C1S: variants seen among roughly 807,000 people sequenced by gnomAD.
The protein encoded by C1S is complement C1s subcomponent.
In C1S, 31 loss-of-function variants were observed where a neutral mutation model predicts 54.0. That is an observed-to-expected ratio of 0.57 (90% confidence interval 0.43 to 0.78). The LOEUF (loss-of-function observed/expected upper bound fraction) is 0.78. Among genes scored for constraint, C1S ranks in the 30% least tolerant of loss-of-function variants. The pLI is 0.00. For synonymous variants in C1S, 292 were observed against 303.6 expected (o/e 0.96, Z 0.40); for missense variants, 727 against 851.8 (o/e 0.85, Z 1.82).
intron 6 of C1S, 80 bp downstream of exon 6, chr12:7,065,379 A>C: frequency 9.9e-7 from 1 of 1,011,848 alleles, no homozygotes. Flanking sequence ...TTTTTCATAC[A>C]GCATCTTTCT....
chr12:7,067,372 T>TG, intron 9 of C1S: 1 of 627,180 alleles, frequency 1.6e-6, no homozygotes, highest in African/African-American at 1.8e-5. Context: ...TGGGTGCATT[T>TG]GTGGCTTCCA....
At chr12:7,064,509 C>CT in intron 5 of C1S, 117 bp downstream of exon 5, 2 of 911,252 alleles carry the variant, frequency 2.2e-6, no homozygotes, top group Non-Finnish European at 3.3e-6. Context: ...TTTGGCACTT[C>CT]TTTTTTATTT....
intron 9 of C1S, 57 bp downstream of exon 9, chr12:7,067,174 T>C: frequency 8.4e-7 from 1 of 1,193,388 alleles, no homozygotes; most frequent in South Asian, 1.2e-5. Flanking sequence ...AATGGAAAGA[T>C]CAGCACATCA....
chr12:7,061,799 T>A, intron 1 of C1S, 40 bp from the exon 2 acceptor site: 2 of 1,168,882 alleles, frequency 1.7e-6, no homozygotes, highest in Non-Finnish European at 2.6e-6. Context: ...AAGGTGCTTG[T>A]GTTTGTCAGA....
intron 11 of C1S, among the ~76,000 whole-genome samples, chr12:7,069,356 T>C (rs782594394): frequency 1.3e-5 from 2 of 152,114 alleles, no homozygotes. Flanking sequence ...GGCTGACCTG[T>C]GGTTTACTAG....
rs112558253 is a variant in C1S at position 7,062,683 on chromosome 12, G to A, written c.213+1G>A. The A allele has an allele frequency of 2.9e-5, 46 of 1,612,446 alleles. No homozygotes were observed. Among genetic ancestry groups the A allele is most frequent in the Non-Finnish European group, 3.8e-5 (45 of 1,179,000 alleles). The stretch of plus-strand genomic sequence containing the variant: ...GAACTGTGCGTATGACTCAGTGCAG[G>A]TATGTTATAAGCACAAAAAGAATAG... On this transcript the variant is annotated splice_donor_variant, in intron 3 of 11. Transcript: ENST00000360817. LOFTEE classifies it high-confidence loss of function.
In C1S at chr12:7,062,373, G is replaced by A. The variant is rs184027524; in HGVS notation, c.6-102G>A. The stretch of plus-strand genomic sequence containing the variant: ...GATTCTCCCCCATGGCCGATTGACT[G>A]CCTCTCTTCTTCCCCCTTTCTTCTG... On this transcript the variant is annotated intron_variant, in intron 2 of 11. Coordinates refer to ENST00000360817, the MANE Select transcript of C1S (RefSeq NM_001734.5). The A allele has an allele frequency of 2.9e-3, 2,500 of 849,302 alleles. 27 individuals carry two copies. The highest frequency in any genetic ancestry group is 0.029 in the Middle Eastern group (86 of 2,998). 52.6% of individuals were successfully genotyped at this position (849,302 alleles called of 1,614,324 possible). A position where few individuals can be genotyped will look rare whatever the true frequency, so the allele number is the denominator to read the frequency against.
At position 7,067,033 on chromosome 12, in the gene C1S, C is replaced by T; in HGVS notation, c.988-6C>T. 1 of 1,603,814 alleles carries T rather than the reference C, an allele frequency of 6.2e-7. No individual in the cohort carries two copies. On this transcript the variant is annotated splice_polypyrimidine_tract_variant and splice_region_variant and intron_variant, in intron 8 of 11. Coordinates refer to ENST00000360817, the MANE Select transcript of C1S (RefSeq NM_001734.5). The stretch of plus-strand genomic sequence containing the variant: ...GAAATAAGTGGTGATGTTTATTATT[C>T]TCCAGGGACGTGTTGGTGCAACATC...
intron 2 of C1S, chr12:7,062,245 T>A: frequency 1.8e-6 from 1 of 548,516 alleles, no homozygotes; most frequent in Non-Finnish European, 3.2e-6. Flanking sequence ...CACTCCAGCC[T>A]GGGTGACAGA....
In C1S at chr12:7,070,041, A is replaced by G. The variant is rs1937801930; in HGVS notation, c.1457A>G (p.Tyr486Cys). 6.2e-7 allele frequency: 1 copy of G among 1,613,966 alleles called. No individual in the cohort carries two copies. Among genetic ancestry groups the G allele is most frequent in the Non-Finnish European group, 8.5e-7 (1 of 1,179,894 alleles). Residue 486 changes from tyrosine (Y) to cysteine (C), a missense_variant, in exon 12 of 12, where the codon TAT becomes TGT. Tyr to Cys is a radical substitution (Grantham distance 194). This residue lies in a region of C1S where 360 missense variants were observed against 453.6 expected (regional missense o/e 0.79). Coordinates refer to ENST00000360817, the MANE Select transcript of C1S (RefSeq NM_001734.5). This position sits in a 1 kb window ranked among gnomAD's most constrained non-coding sequence, Gnocchi z 4.9. The part of the protein sequence containing the change: ...VVEGNREPTM[Y>C]VGSTSVQTSR... ...GAGGGAAACAGGGAGCCAACAATGT[A>G]TGTTGGGTCCACCTCAGTGCAGACC...
At chr12:7,069,055 A>C (rs1209850189) in intron 11 of C1S, among the ~76,000 whole-genome samples, 1 of 152,204 alleles carries the variant, frequency 6.6e-6, no homozygotes, top group Admixed American at 6.5e-5. Context: ...TCGTGTCCGT[A>C]TAACAGCCCT....
At position 7,066,499 on chromosome 12, in the gene C1S, C is replaced by G. The variant is rs1339013335; in HGVS notation, c.872-19C>G. The G allele has an allele frequency of 1.8e-5, 26 of 1,450,110 alleles. No homozygotes were observed. The highest frequency in any genetic ancestry group is 2.4e-5 in the Non-Finnish European group (25 of 1,030,336). 89.8% of individuals were successfully genotyped at this position (1,450,110 alleles called of 1,614,324 possible). On this transcript the variant is annotated intron_variant, in intron 7 of 11. Coordinates refer to ENST00000360817, the MANE Select transcript of C1S (RefSeq NM_001734.5). ...ATTTAGTAATTTTTTCCTCCTGTCCCAACTTCTGTTCTTTCAAGCAATGCC... is the reference window on the plus strand; with the variant it reads ...ATTTAGTAATTTTTTCCTCCTGTCCGAACTTCTGTTCTTTCAAGCAATGCC...
In C1S at chr12:7,068,508, G is replaced by T; in HGVS notation, c.1248G>T (p.Pro416=). 1 of 1,613,632 alleles carries T rather than the reference G, an allele frequency of 6.2e-7. No homozygotes were observed. The highest frequency in any genetic ancestry group is 1.1e-5 in the South Asian group (1 of 91,066). Residue 416 remains proline, a synonymous_variant, in exon 11 of 12, where the codon CCG becomes CCT. Coordinates refer to ENST00000360817, the MANE Select transcript of C1S (RefSeq NM_001734.5). The stretch of plus-strand genomic sequence containing the variant: ...GCTGGGTGAATGAGGTGCTGGGCCC[G>T]GAGCTGCCGAAATGTGTTCCAGGTA... ...NGSWVNEVLG[P]ELPKCVPVCG...
intron 5 of C1S, among the ~76,000 whole-genome samples, chr12:7,064,671 G>C (rs1555161813): frequency 6.6e-6 from 1 of 152,050 alleles, no homozygotes; most frequent in East Asian, 1.9e-4. Context: ...CCAGTGTGTA[G>C]TTTTCTCGCC....
intron 4 of C1S, 104 bp from the exon 5 acceptor site, chr12:7,064,163 A>C: frequency 8.9e-7 from 1 of 1,129,176 alleles, no homozygotes. Flanking sequence ...ATCTTTAAGC[A>C]ATAGGCCTTT....
At chr12:7,064,413 G>T in intron 5 of C1S, 21 bp downstream of exon 5, 1 of 1,613,980 alleles carries the variant, frequency 6.2e-7, no homozygotes, top group Non-Finnish European at 8.5e-7. Flanking sequence ...TGTTAAGAGG[G>T]TTGCATGTTC....
chr12:7,062,529 TG>T lies in C1S; in HGVS notation c.64del (p.Glu22ArgfsTer15). 6.2e-7 allele frequency: 1 copy of T among 1,613,942 alleles called. No homozygotes were observed. The highest frequency in any genetic ancestry group is 8.5e-7 in the Non-Finnish European group (1 of 1,179,976). ...AWVYAEPTMY[G>X]EILSPNYPQA... is the part of the protein sequence containing the mutation. ...GGGTTTATGCTGAGCCTACCATGTA[TG>T]GGGAGATCCTGTCCCCTAACTATCC... On this transcript the variant is annotated frameshift_variant, in exon 3 of 12. Coordinates refer to ENST00000360817, the MANE Select transcript of C1S (RefSeq NM_001734.5). LOFTEE classifies it high-confidence loss of function.
At position 7,063,035 on chromosome 12, in the gene C1S, T is replaced by C; in HGVS notation, c.359T>C (p.Phe120Ser). The C allele has an allele frequency of 6.2e-7, 1 of 1,613,988 alleles. No homozygotes were observed. Among genetic ancestry groups the C allele is most frequent in the South Asian group, 1.1e-5 (1 of 91,080 alleles). Residue 120 changes from phenylalanine to serine, a missense_variant, in exon 4 of 12, where the codon TTT (phenylalanine) becomes TCT (serine). By Grantham distance (155) the Phe-to-Ser change is radical. Around this residue, in one of 3 missense-constraint regions of C1S, gnomAD observed 357 missense variants for 365.4 expected, o/e 0.98. Coordinates refer to ENST00000360817, the MANE Select transcript of C1S (RefSeq NM_001734.5). ...TCAGACTTTTCCAATGAAGAGCGTT[T>C]TACGGGGTTTGCTGCATACTATGTT... is the stretch of plus-strand genomic sequence containing the variant. The part of the protein sequence containing the change: ...FKSDFSNEER[F>S]TGFAAYYVAT...
At chr12:7,065,487 C>T (rs782324210) in intron 6 of C1S, 188 bp downstream of exon 6, 12 of 691,464 alleles carry the variant, frequency 1.7e-5, no homozygotes, top group Non-Finnish European at 2.9e-5. Flanking sequence ...TCCTGAGTAG[C>T]TGGGCCCACA....
Sources: allele counts gnomAD v4.1 joint callset (sites outside exome capture counted in the v4.1 genomes callset), GRCh38; gene constraint gnomAD v4.1.1; regional missense constraint gnomAD v4.1.1; non-coding constraint Gnocchi (gnomAD v3.1); transcripts MANE v1.5; gene names NCBI Gene and HGNC (gene_info 2026-07-23, HGNC 2026-07-21).